Variants in PPM1L observed in about 807,000 individuals in gnomAD.
The protein encoded by PPM1L is protein phosphatase 1L.
PPM1L carries 13 observed loss-of-function variants against 31.4 expected under a neutral mutation model. That is an observed-to-expected ratio of 0.41 (90% CI 0.27 to 0.66). The LOEUF (loss-of-function observed/expected upper bound fraction) is 0.66, where lower values mean the gene tolerates loss of function less well. PPM1L is among the 30% of genes least tolerant of loss of function. The probability of loss-of-function intolerance (pLI) is 0.29; values close to 1 mark genes in which losing one functional copy is unlikely to be tolerated. For missense variants in PPM1L, 326 were observed against 453.7 expected, an observed-to-expected ratio of 0.72 and a Z score of 2.56; for synonymous variants, 184 against 175.4, an observed-to-expected ratio of 1.05 and a Z score of -0.39.
intron 1 of PPM1L, among the ~76,000 whole-genome samples, chr3:160,765,838 G>T (rs539081687): frequency 7.9e-5 from 12 of 151,980 alleles, no homozygotes; most frequent in Admixed American, 7.9e-4. Flanking sequence ...TCTTTTTCAG[G>T]ATCAAAACAG....
At chr3:161,038,585 TAAA>T (rs35502476) in intron 2 of PPM1L, among the ~76,000 whole-genome samples, 1,936 of 110,544 alleles carry the variant, frequency 0.018, 44 homozygotes, top group African/African-American at 0.045. Flanking sequence ...GGATTTGTTT[TAAA>T]AAAAAAAAAA....
intron 1 of PPM1L, among the ~76,000 whole-genome samples, chr3:160,757,595 C>T (rs1185194265): frequency 6.6e-6 from 1 of 152,252 alleles, no homozygotes; most frequent in East Asian, 1.9e-4. Context: ...TGGCTCTGGT[C>T]CTTGCGCATT....
intron 1 of PPM1L, among the ~76,000 whole-genome samples, chr3:160,795,879 G>T (rs1712233608): frequency 6.6e-6 from 1 of 152,140 alleles, no homozygotes; most frequent in Non-Finnish European, 1.5e-5. Flanking sequence ...TTTCTCTGTA[G>T]CTCTTTGATC....
chr3:161,043,560 G>A (rs887711688), intron 2 of PPM1L, among the ~76,000 whole-genome samples: 1 of 152,206 alleles, frequency 6.6e-6, no homozygotes, highest in African/African-American at 2.4e-5. Flanking sequence ...CTAGGGTGGT[G>A]CCCAGAGTAC....
chr3:160,757,339 G>C (rs942123092), intron 1 of PPM1L, among the ~76,000 whole-genome samples: 1 of 152,278 alleles, frequency 6.6e-6, no homozygotes, highest in Non-Finnish European at 1.5e-5. Flanking sequence ...GGATCTCAGA[G>C]CGGGACCTAG....
At chr3:160,926,628 C>T (rs185038156) in intron 1 of PPM1L, among the ~76,000 whole-genome samples, 24 of 152,254 alleles carry the variant, frequency 1.6e-4, no homozygotes, top group Non-Finnish European at 2.2e-4. Context: ...AATCTGTTAG[C>T]TGTGCTGACT....
At position 161,071,875 on chromosome 3, in the gene PPM1L, T is replaced by C. The variant is rs1194994515; in HGVS notation, c.*2718T>C. Reference sequence around the variant, plus strand: ...GAGATGTTTGCATGTGAAGCTTCCCTAAGCAGCACTGCCAAAGCTTTGGAA... The same window carrying C: ...GAGATGTTTGCATGTGAAGCTTCCCCAAGCAGCACTGCCAAAGCTTTGGAA... On this transcript the variant is annotated 3_prime_UTR_variant, in exon 4 of 4. Transcript: ENST00000498165. The C allele has an allele frequency of 6.6e-6, 1 of 152,176 alleles. No individual in the cohort carries two copies. The highest frequency in any genetic ancestry group is 1.5e-5 in the Non-Finnish European group (1 of 68,022). The allele number at this position is 152,176 out of a possible 1,614,324, so 9.4% of individuals were successfully genotyped here. A position where few individuals can be genotyped will look rare whatever the true frequency, so the allele number is the denominator to read the frequency against.
intron 1 of PPM1L, among the ~76,000 whole-genome samples, chr3:160,872,756 C>A (rs1439905650): frequency 6.6e-6 from 1 of 151,976 alleles, no homozygotes; most frequent in Non-Finnish European, 1.5e-5. Context: ...GAAACCCTGT[C>A]TCTACTAAAA....
intron 1 of PPM1L, among the ~76,000 whole-genome samples, chr3:160,765,378 T>C (rs190992639): frequency 6.6e-6 from 1 of 152,238 alleles, no homozygotes; most frequent in Non-Finnish European, 1.5e-5. Context: ...CCTAGTCTTC[T>C]CGATTTGCTT....
At position 160,790,276 on chromosome 3, in the gene PPM1L, T is replaced by C. The variant is rs150516901; in HGVS notation, c.399+33569T>C. The stretch of plus-strand genomic sequence containing the variant: ...TTGTTTATTTGACATTAATTTTGTT[T>C]GTGAGTTCAGATCATTTTTAACACT... On this transcript the variant is annotated intron_variant, in intron 1 of 3. Coordinates refer to ENST00000498165, the MANE Select transcript of PPM1L (RefSeq NM_139245.4). Among the ~76,000 whole-genome samples the C allele has an allele frequency of 5.2e-3, 791 of 152,304 alleles. 8 individuals are homozygous for C. Among genetic ancestry groups the C allele is most frequent in the African/African-American group, 0.018 (753 of 41,570 alleles).
intron 1 of PPM1L, among the ~76,000 whole-genome samples, chr3:160,795,802 C>T (rs1378229169): frequency 1.3e-5 from 2 of 152,188 alleles, no homozygotes; most frequent in Admixed American, 1.3e-4. Context: ...TACCTTTTCA[C>T]TTTTAGGAAG....
intron 2 of PPM1L, among the ~76,000 whole-genome samples, chr3:161,064,227 C>T (rs1293284554): frequency 6.8e-6 from 1 of 148,026 alleles, no homozygotes; most frequent in East Asian, 2.0e-4. Context: ...TTCAAGCCAG[C>T]ACCATGGCAT....
At chr3:160,894,141 T>C (rs1051649030) in intron 1 of PPM1L, among the ~76,000 whole-genome samples, 7 of 152,170 alleles carry the variant, frequency 4.6e-5, no homozygotes, top group Admixed American at 2.6e-4. Flanking sequence ...TGAGTTAAGG[T>C]GCAGTTGTAT....
In PPM1L at chr3:161,078,342, A is replaced by G. The variant is rs573391846; in HGVS notation, c.*9185A>G. On this transcript the variant is annotated 3_prime_UTR_variant, in exon 4 of 4. Transcript: ENST00000498165. ...TAAGCTTTTATTTATACCTATTTCA[A>G]CATCATGAAAATTTTTCCATCAGCA... The G allele has an allele frequency of 6.6e-6, 1 of 152,336 alleles. No individual in the cohort carries two copies. Among genetic ancestry groups the G allele is most frequent in the South Asian group, 2.1e-4 (1 of 4,828 alleles). The allele number at this position is 152,336 out of a possible 1,614,324, so 9.4% of individuals were successfully genotyped here.
chr3:160,999,920 G>A (rs17392097), intron 2 of PPM1L, among the ~76,000 whole-genome samples: 4,837 of 152,212 alleles, frequency 0.032, 108 homozygotes, highest in South Asian at 0.054. Context: ...TTAATGTGGC[G>A]GTTATTACGG....
intron 2 of PPM1L, among the ~76,000 whole-genome samples, chr3:161,023,090 G>A (rs1424213434): frequency 1.3e-5 from 2 of 149,666 alleles, no homozygotes; most frequent in Non-Finnish European, 3.0e-5. Flanking sequence ...GAAATCAGCT[G>A]TTAGTCTCAT....
chr3:160,839,762 C>T (rs1266588319), intron 1 of PPM1L, among the ~76,000 whole-genome samples: 1 of 152,190 alleles, frequency 6.6e-6, no homozygotes, highest in Non-Finnish European at 1.5e-5. Flanking sequence ...AATTTCGAAT[C>T]TCTTTGGTCA....
chr3:160,834,343 C>T (rs1713625251), intron 1 of PPM1L, among the ~76,000 whole-genome samples: 1 of 151,868 alleles, frequency 6.6e-6, no homozygotes, highest in Non-Finnish European at 1.5e-5. Flanking sequence ...AATTCTTTCC[C>T]CATTGCTTGT....
intron 1 of PPM1L, among the ~76,000 whole-genome samples, chr3:160,774,980 A>G (rs1711529876): frequency 1.3e-5 from 2 of 152,256 alleles, no homozygotes; most frequent in South Asian, 2.1e-4. Flanking sequence ...AAAAGGGGAT[A>G]CCAAGCTGTC....
Sources: allele counts gnomAD v4.1 joint callset (sites outside exome capture counted in the v4.1 genomes callset), GRCh38; gene constraint gnomAD v4.1.1; transcripts MANE v1.5; gene names NCBI Gene and HGNC (gene_info 2026-07-23, HGNC 2026-07-21).